EPHA6: variants seen among roughly 807,000 people sequenced by gnomAD.
The protein encoded by EPHA6 is ephrin type-A receptor 6.
In EPHA6, 50 loss-of-function variants were observed where a neutral mutation model predicts 112.0. The ratio of observed to expected loss-of-function variants is 0.45; its 90% CI spans 0.36 to 0.56. The LOEUF (loss-of-function observed/expected upper bound fraction) is 0.56. Ranked by LOEUF, EPHA6 falls within the 20% of genes least tolerant of loss-of-function variation. The pLI, the probability that EPHA6 is intolerant of heterozygous loss-of-function variation, is 0.00. For missense variants in EPHA6, 1,280 were observed against 1,417.4 expected (o/e 0.90, Z 1.56); for synonymous variants, 529 against 490.7 (o/e 1.08, Z -1.03).
At chr3:97,365,752 C>A (rs1438867024) in intron 5 of EPHA6, among the ~76,000 whole-genome samples, 1 of 152,116 alleles carries the variant, frequency 6.6e-6, no homozygotes, top group East Asian at 1.9e-4. Flanking sequence ...AAAGCTCCAT[C>A]TTTGTGATTT....
intron 3 of EPHA6, among the ~76,000 whole-genome samples, chr3:97,077,150 A>T (rs930641174): frequency 6.6e-6 from 1 of 152,296 alleles, no homozygotes; most frequent in South Asian, 2.1e-4. Context: ...TGAATCTGGC[A>T]AAATAAATTG....
At chr3:97,402,945 T>A (rs971944701) in intron 5 of EPHA6, among the ~76,000 whole-genome samples, 1 of 152,140 alleles carries the variant, frequency 6.6e-6, no homozygotes, top group South Asian at 2.1e-4. Context: ...AATTGAAATA[T>A]GACAGAATCA....
chr3:97,421,104 C>T (rs1559984125), intron 6 of EPHA6, among the ~76,000 whole-genome samples: 1 of 151,830 alleles, frequency 6.6e-6, no homozygotes, highest in Non-Finnish European at 1.5e-5. Context: ...GGAAATATTA[C>T]ACTACTTCTC....
rs1276685259 is a variant in EPHA6, at chr3:97,748,678, C to CA, written c.3371dup (p.Glu1125GlyfsTer23). 6.9e-6 allele frequency: 11 copies of CA among 1,605,228 alleles called. No homozygotes were observed. The highest frequency in any genetic ancestry group is 1.3e-5 in the African/African-American group (1 of 74,752). On this transcript the variant is annotated frameshift_variant, in exon 18 of 18. Transcript: ENST00000389672. LOFTEE classifies it high-confidence loss of function. ...TTTACGTTTACACATGATGCACATA[C>CA]AGGAGAAGGGATTTCATGTATGAAA...
At chr3:97,121,959 T>C (rs2048053069) in intron 3 of EPHA6, among the ~76,000 whole-genome samples, 1 of 152,094 alleles carries the variant, frequency 6.6e-6, no homozygotes, top group Admixed American at 6.6e-5. Flanking sequence ...CATTATTTTC[T>C]ACACATTTTC....
At chr3:97,054,196 A>ATT in intron 3 of EPHA6, among the ~76,000 whole-genome samples, 1 of 150,410 alleles carries the variant, frequency 6.6e-6, no homozygotes, top group Admixed American at 6.7e-5. Context: ...ACACACACAC[A>ATT]ACAGATTAAG....
chr3:97,631,959 T>C (rs1049814567), intron 13 of EPHA6, among the ~76,000 whole-genome samples: 4 of 152,030 alleles, frequency 2.6e-5, no homozygotes, highest in Non-Finnish European at 4.4e-5. Context: ...TGATTCTCCA[T>C]TGAAGATCTA....
chr3:97,161,404 CTT>C (rs2076412601), intron 3 of EPHA6, among the ~76,000 whole-genome samples: 2 of 152,196 alleles, frequency 1.3e-5, no homozygotes, highest in African/African-American at 4.8e-5. Context: ...ACCGCTGACA[CTT>C]TAAGCACCAT....
chr3:97,318,619 A>G (rs1008048065), intron 5 of EPHA6, among the ~76,000 whole-genome samples: 4 of 152,010 alleles, frequency 2.6e-5, no homozygotes, highest in Non-Finnish European at 5.9e-5. Context: ...TGAAACAAAA[A>G]TCTAATTTAA....
intron 12 of EPHA6, 107 bp from the exon 13 acceptor site, chr3:97,610,686 A>G: frequency 1.2e-6 from 1 of 835,452 alleles, no homozygotes; most frequent in Non-Finnish European, 2.0e-6. Context: ...TGAAATTCCT[A>G]TTAATAAAAT....
At chr3:97,032,400 TAACA>T (rs1444634789) in intron 3 of EPHA6, among the ~76,000 whole-genome samples, 3 of 152,130 alleles carry the variant, frequency 2.0e-5, no homozygotes, top group Non-Finnish European at 4.4e-5. Flanking sequence ...TGTACCTATG[TAACA>T]AACCTGCACG....
intron 3 of EPHA6, among the ~76,000 whole-genome samples, chr3:96,999,706 C>T (rs1241769354): frequency 4.0e-5 from 6 of 151,854 alleles, no homozygotes. Flanking sequence ...GATATTGATC[C>T]TCATGTGTCT....
intron 13 of EPHA6, among the ~76,000 whole-genome samples, chr3:97,625,368 T>C (rs1048708363): frequency 6.6e-6 from 1 of 151,826 alleles, no homozygotes; most frequent in Non-Finnish European, 1.5e-5. Flanking sequence ...CTTCTGTTAT[T>C]TACTTCTTAC....
chr3:97,731,299 G>A (rs561785257), intron 15 of EPHA6, among the ~76,000 whole-genome samples: 3 of 152,056 alleles, frequency 2.0e-5, no homozygotes, highest in South Asian at 2.1e-4. Context: ...AAGGAGGAGC[G>A]GGTTTAGTTT....
chr3:97,070,554 C>A (rs2046319740), intron 3 of EPHA6, among the ~76,000 whole-genome samples: 1 of 152,024 alleles, frequency 6.6e-6, no homozygotes, highest in Non-Finnish European at 1.5e-5. Flanking sequence ...CAATGTAGTT[C>A]TCATTATACT....
intron 5 of EPHA6, among the ~76,000 whole-genome samples, chr3:97,398,830 T>G (rs2086830897): frequency 6.6e-6 from 1 of 151,468 alleles, no homozygotes; most frequent in South Asian, 2.1e-4. Context: ...TTAGTTTTAA[T>G]TGATGCATAA....
intron 3 of EPHA6, among the ~76,000 whole-genome samples, chr3:97,080,099 A>G (rs1349143488): frequency 1.3e-5 from 2 of 152,120 alleles, no homozygotes; most frequent in Non-Finnish European, 2.9e-5. Context: ...CAATATCTCC[A>G]TGGTGTGCCT....
intron 3 of EPHA6, among the ~76,000 whole-genome samples, chr3:97,075,564 T>A (rs2046490276): frequency 6.6e-6 from 1 of 152,074 alleles, no homozygotes; most frequent in African/African-American, 2.4e-5. Context: ...AGAAACATAG[T>A]TTACATGACA....
intron 6 of EPHA6, among the ~76,000 whole-genome samples, chr3:97,415,956 A>G (rs1042578447): frequency 2.6e-5 from 4 of 152,076 alleles, no homozygotes; most frequent in Non-Finnish European, 5.9e-5. Flanking sequence ...TTTTGTAATT[A>G]TGGAGTTATA....
Sources: allele counts gnomAD v4.1 joint callset (sites outside exome capture counted in the v4.1 genomes callset), GRCh38; gene constraint gnomAD v4.1.1; transcripts MANE v1.5; gene names NCBI Gene and HGNC (gene_info 2026-07-23, HGNC 2026-07-21).